DCC: variants seen among roughly 807,000 people sequenced by gnomAD.
DCC encodes the protein DCC netrin 1 receptor.
DCC carries 58 observed loss-of-function variants against 172.5 expected under a neutral mutation model. The observed-to-expected ratio is 0.34, with a 90% CI of 0.27 to 0.42. DCC has a LOEUF of 0.42. Among genes scored for constraint, DCC ranks in the 10% least tolerant of loss-of-function variants. The pLI, the probability that DCC is intolerant of heterozygous loss-of-function variation, is 1.00. For synonymous variants in DCC, 709 were observed against 644.5 expected (o/e 1.10, Z -1.52); for missense variants, 1,740 against 1,791.0 (o/e 0.97, Z 0.51).
intron 9 of DCC, among the ~76,000 whole-genome samples, chr18:53,200,002 C>T (rs745677365): frequency 2.0e-5 from 3 of 152,178 alleles, no homozygotes; most frequent in Non-Finnish European, 4.4e-5. Flanking sequence ...CAGTTGGAAA[C>T]TTTACACCAA....
intron 14 of DCC, among the ~76,000 whole-genome samples, chr18:53,331,228 T>C (rs1045459283): frequency 5.9e-5 from 9 of 152,220 alleles, no homozygotes; most frequent in African/African-American, 2.2e-4. Flanking sequence ...TGTTTGTTTG[T>C]TCTGAGACAA....
chr18:52,579,454 A>T (rs1203147763), intron 1 of DCC, among the ~76,000 whole-genome samples: 1 of 152,212 alleles, frequency 6.6e-6, no homozygotes, highest in African/African-American at 2.4e-5. Flanking sequence ...AGACTAGAAC[A>T]GTCTTTTTTT....
chr18:53,516,107 G>A (rs1327137334), intron 27 of DCC, among the ~76,000 whole-genome samples: 2 of 149,234 alleles, frequency 1.3e-5, no homozygotes, highest in African/African-American at 5.2e-5. Flanking sequence ...CAGAGATATA[G>A]ATCAATGGAA....
At chr18:52,465,132 C>T (rs1348164840) in intron 1 of DCC, among the ~76,000 whole-genome samples, 1 of 152,082 alleles carries the variant, frequency 6.6e-6, no homozygotes, top group African/African-American at 2.4e-5. Flanking sequence ...TCAGAAAAAG[C>T]TGGTCATGCT....
intron 12 of DCC, among the ~76,000 whole-genome samples, chr18:53,241,063 G>A (rs1292524454): frequency 1.3e-5 from 2 of 152,090 alleles, no homozygotes; most frequent in Admixed American, 6.6e-5. Flanking sequence ...GCTTCTGAAA[G>A]GACCTTAGTT....
chr18:52,482,012 A>C (rs193128428), intron 1 of DCC, among the ~76,000 whole-genome samples: 2 of 152,074 alleles, frequency 1.3e-5, no homozygotes, highest in African/African-American at 4.8e-5. Context: ...ATAGTGTTTT[A>C]GTCAACTTTC....
At chr18:52,533,438 C>T (rs542111650) in intron 1 of DCC, among the ~76,000 whole-genome samples, 5 of 152,220 alleles carry the variant, frequency 3.3e-5, no homozygotes, top group Non-Finnish European at 7.4e-5. Flanking sequence ...ACCACTAAAC[C>T]GATCTCCATT....
chr18:52,663,570 A>G (rs1239882964), intron 1 of DCC, among the ~76,000 whole-genome samples: 1 of 152,184 alleles, frequency 6.6e-6, no homozygotes, highest in Non-Finnish European at 1.5e-5. Context: ...CCCTAGCTAA[A>G]ACAAAAATTT....
In DCC at chr18:53,187,570, C is replaced by A. The variant is rs185593824; in HGVS notation, c.1573+8454C>A. ...ATATTTTAGAAATTATCTGATCTAA[C>A]ACTCCACCAAAATTAAGTAAAACTC... On this transcript the variant is annotated intron_variant, in intron 9 of 28. Coordinates refer to ENST00000442544, the MANE Select transcript of DCC (RefSeq NM_005215.4). Among the ~76,000 whole-genome samples, 427 of 152,212 alleles carry A rather than the reference C, an allele frequency of 2.8e-3. 10 individuals carry two copies. Among genetic ancestry groups the A allele is most frequent in the Admixed American group, 0.025 (380 of 15,294 alleles).
At chr18:53,312,206 TGGC>T (rs2057279565) in intron 13 of DCC, among the ~76,000 whole-genome samples, 1 of 127,860 alleles carries the variant, frequency 7.8e-6, no homozygotes, top group South Asian at 2.7e-4. Flanking sequence ...GGTGTGGTGG[TGGC>T]GGGCGTCTGT....
chr18:53,045,948 A>G (rs1450600758), intron 5 of DCC, among the ~76,000 whole-genome samples: 1 of 151,884 alleles, frequency 6.6e-6, no homozygotes, highest in Non-Finnish European at 1.5e-5. Context: ...TAGATGGCTC[A>G]TGTGGTGAGA....
At chr18:53,008,842 A>G (rs1383592225) in intron 5 of DCC, among the ~76,000 whole-genome samples, 1 of 152,036 alleles carries the variant, frequency 6.6e-6, no homozygotes, top group Non-Finnish European at 1.5e-5. Context: ...CTGGTTTTTA[A>G]ACAGGTTACA....
At chr18:53,285,656 T>TATGA (rs2056927239) in intron 12 of DCC, among the ~76,000 whole-genome samples, 1 of 152,180 alleles carries the variant, frequency 6.6e-6, no homozygotes, top group Non-Finnish European at 1.5e-5. Context: ...CTAGTGGAGC[T>TATGA]ATGAGAAGAG....
chr18:53,430,864 T>C (rs1284265432), intron 21 of DCC, among the ~76,000 whole-genome samples: 1 of 152,116 alleles, frequency 6.6e-6, no homozygotes, highest in Non-Finnish European at 1.5e-5. Flanking sequence ...CAATTTTTTC[T>C]TCAATTCAGA....
At chr18:52,432,925 C>A (rs1207882255) in intron 1 of DCC, among the ~76,000 whole-genome samples, 1 of 152,158 alleles carries the variant, frequency 6.6e-6, no homozygotes, top group African/African-American at 2.4e-5. Flanking sequence ...GTGCTTCCAT[C>A]TTTCAGTTTC....
At chr18:53,016,570 T>C (rs2041809980) in intron 5 of DCC, among the ~76,000 whole-genome samples, 1 of 152,044 alleles carries the variant, frequency 6.6e-6, no homozygotes, top group African/African-American at 2.4e-5. Flanking sequence ...GAAACTAAAA[T>C]GTTACCTAAC....
intron 7 of DCC, among the ~76,000 whole-genome samples, chr18:53,084,858 T>G (rs535762268): frequency 3.0e-4 from 45 of 152,318 alleles, no homozygotes; most frequent in African/African-American, 1.1e-3. Flanking sequence ...TCCACTAATT[T>G]TGCATCTACA....
At chr18:52,531,212 T>A (rs1027717581) in intron 1 of DCC, among the ~76,000 whole-genome samples, 1 of 152,210 alleles carries the variant, frequency 6.6e-6, no homozygotes, top group African/African-American at 2.4e-5. Flanking sequence ...AGCTACCTGG[T>A]GTATTATCAG....
rs1362028695 is a variant in DCC at position 53,016,000 on chromosome 18, TTAC to T, written c.986-47299_986-47297del. Among the ~76,000 whole-genome samples the T allele has an allele frequency of 4.6e-5, 7 of 152,284 alleles. No individual in the cohort carries two copies. The East Asian group carries it at 7.7e-4, about 17-fold the overall frequency. Reference sequence around the variant, plus strand: ...GTATAAGAATCCACATAATCCAAGTTTACTACTATTTAATTTTAATCCATAGCT... The same window carrying T: ...GTATAAGAATCCACATAATCCAAGTTTACTATTTAATTTTAATCCATAGCT... On this transcript the variant is annotated intron_variant, in intron 5 of 28. Coordinates refer to ENST00000442544, the MANE Select transcript of DCC (RefSeq NM_005215.4).
Sources: gnomAD v4.1 joint callset for allele counts (sites outside exome capture counted in the v4.1 genomes callset) on GRCh38, gnomAD v4.1.1 for gene constraint, MANE v1.5 for transcripts, NCBI Gene and HGNC (gene_info 2026-07-23, HGNC 2026-07-21) for gene names.